Variants in GLIS3 observed in about 807,000 individuals in gnomAD.
GLIS3 encodes the protein zinc finger protein GLIS3.
In GLIS3, 53 loss-of-function variants were observed where a neutral mutation model predicts 78.6. That is an observed-to-expected ratio of 0.67 (90% CI 0.54 to 0.85). GLIS3 has a LOEUF of 0.85. GLIS3 is among the 40% of genes least tolerant of loss of function. The pLI is 0.00. For synonymous variants in GLIS3, 684 were observed against 509.9 expected (o/e 1.34, Z -4.60); for missense variants, 1,703 against 1,231.1 (o/e 1.38, Z -5.74).
intron 4 of GLIS3, among the ~76,000 whole-genome samples, chr9:4,010,883 G>C (rs1477364923): frequency 6.6e-6 from 1 of 152,172 alleles, no homozygotes; most frequent in African/African-American, 2.4e-5. Context: ...CTACCGTTAG[G>C]AAAATGTTCC....
the GLIS3 span, among the ~76,000 whole-genome samples, chr9:4,401,062 C>T: frequency 2.8e-4 from 42 of 152,200 alleles, no homozygotes; most frequent in African/African-American, 9.6e-4. Context: ...TTGTCTTGCA[C>T]CTTAGGCACC....
At chr9:4,023,207 T>C (rs1050408557) in intron 4 of GLIS3, among the ~76,000 whole-genome samples, 2 of 152,214 alleles carry the variant, frequency 1.3e-5, no homozygotes, top group African/African-American at 4.8e-5. Flanking sequence ...GTGCTACACA[T>C]GGTTTGAGCT....
intron 2 of GLIS3, among the ~76,000 whole-genome samples, chr9:4,145,648 A>T (rs10116426): frequency 6.6e-6 from 1 of 151,838 alleles, no homozygotes; most frequent in Non-Finnish European, 1.5e-5. Flanking sequence ...AAGTCACATC[A>T]GTGCCCTCTG....
At chr9:3,991,753 G>A (rs576023484) in intron 4 of GLIS3, among the ~76,000 whole-genome samples, 2 of 142,810 alleles carry the variant, frequency 1.4e-5, no homozygotes, top group African/African-American at 2.7e-5. Flanking sequence ...TGCAGTGGTG[G>A]GATCTCGGCT....
intron 4 of GLIS3, among the ~76,000 whole-genome samples, chr9:3,947,437 T>C (rs1260037380): frequency 6.6e-6 from 1 of 152,264 alleles, no homozygotes; most frequent in Admixed American, 6.5e-5. Context: ...TCAATTTGCT[T>C]ATCATATAGG....
intron 2 of GLIS3, among the ~76,000 whole-genome samples, chr9:4,230,377 C>A (rs1421534331): frequency 6.6e-6 from 1 of 152,132 alleles, no homozygotes; most frequent in East Asian, 1.9e-4. Context: ...CTACCATGTG[C>A]TAGATGGGAA....
At chr9:4,298,033 G>A (rs910337361) in intron 1 of GLIS3, among the ~76,000 whole-genome samples, 1 of 152,144 alleles carries the variant, frequency 6.6e-6, no homozygotes, top group African/African-American at 2.4e-5. Context: ...CTAACCCTCG[G>A]CCCCGTGCGC....
intron 7 of GLIS3, among the ~76,000 whole-genome samples, chr9:3,883,829 T>A (rs899397335): frequency 6.6e-6 from 1 of 152,220 alleles, no homozygotes; most frequent in Admixed American, 6.5e-5. Context: ...GAAATTCTTA[T>A]TGCTTTTGTG....
At chr9:3,940,287 G>A (rs942128423) in intron 4 of GLIS3, among the ~76,000 whole-genome samples, 10 of 151,796 alleles carry the variant, frequency 6.6e-5, no homozygotes, top group African/African-American at 1.5e-4. Context: ...TTTTTTTCAC[G>A]TTTTCCAATT....
At chr9:4,001,672 C>A (rs1459399141) in intron 4 of GLIS3, among the ~76,000 whole-genome samples, 2 of 152,186 alleles carry the variant, frequency 1.3e-5, no homozygotes, top group East Asian at 3.8e-4. Flanking sequence ...TAGCTTCAGG[C>A]ATCTAAGTAA....
chr9:4,133,172 T>C (rs1381095118), intron 2 of GLIS3, among the ~76,000 whole-genome samples: 1 of 152,236 alleles, frequency 6.6e-6, no homozygotes, highest in Admixed American at 6.5e-5. Flanking sequence ...ACAGTATTAA[T>C]TTTTGAACCA....
chr9:4,037,566 A>G (rs1030342918), intron 4 of GLIS3, among the ~76,000 whole-genome samples: 2 of 152,022 alleles, frequency 1.3e-5, no homozygotes, highest in Non-Finnish European at 2.9e-5. Context: ...ACACACACAC[A>G]CACACACACA....
At chr9:4,244,344 A>G (rs1823598563) in intron 2 of GLIS3, among the ~76,000 whole-genome samples, 1 of 152,260 alleles carries the variant, frequency 6.6e-6, no homozygotes, top group Admixed American at 6.5e-5. Context: ...ATACTTACCA[A>G]GAGTCATTGT....
At chr9:4,177,223 T>C (rs1374013768) in intron 2 of GLIS3, among the ~76,000 whole-genome samples, 1 of 152,208 alleles carries the variant, frequency 6.6e-6, no homozygotes, top group African/African-American at 2.4e-5. Flanking sequence ...CTCCAAAGGA[T>C]TATTTCCCCT....
At chr9:4,490,128 G>A in the GLIS3 span, among the ~76,000 whole-genome samples, 3 of 152,204 alleles carry the variant, frequency 2.0e-5, no homozygotes, top group Admixed American at 6.5e-5. Context: ...AGGGAGACGT[G>A]CAGGATGAAG....
chr9:4,063,738 T>C (rs954074152), intron 4 of GLIS3, among the ~76,000 whole-genome samples: 3 of 152,016 alleles, frequency 2.0e-5, no homozygotes, highest in African/African-American at 4.8e-5. Context: ...AGAAAATAAA[T>C]TGAGAAAAAT....
At chr9:4,034,484 C>G (rs866872704) in intron 4 of GLIS3, 1 of 152,116 alleles carries the variant, frequency 6.6e-6, no homozygotes, top group African/African-American at 2.4e-5. Context: ...GAAGCTCAGC[C>G]CACAACACCT....
chr9:4,363,017 T>A, the GLIS3 span, among the ~76,000 whole-genome samples: 1 of 151,916 alleles, frequency 6.6e-6, no homozygotes, highest in East Asian at 1.9e-4. Context: ...AGGAGAGAAG[T>A]GAACACTGGT....
In GLIS3 at chr9:3,826,482, A is replaced by G. The variant is rs1485135749; in HGVS notation, c.*1790T>C. On this transcript the variant is annotated 3_prime_UTR_variant, in exon 11 of 11. Coordinates refer to ENST00000381971, the MANE Select transcript of GLIS3 (RefSeq NM_001042413.2). ...GCAGAGCAGGTTTTTTAAAGTGGCTAACTCATCTCTTTTGCAGACTTTGAC... is the reference window on the plus strand; with the variant it reads ...GCAGAGCAGGTTTTTTAAAGTGGCTGACTCATCTCTTTTGCAGACTTTGAC... 1 of 152,108 alleles carries G rather than the reference A, an allele frequency of 6.6e-6. No individual in the cohort carries two copies. Among genetic ancestry groups the G allele is most frequent in the Non-Finnish European group, 1.5e-5 (1 of 68,026 alleles). The allele number at this position is 152,108 out of a possible 1,614,324, so 9.4% of individuals were successfully genotyped here.
Sources: gnomAD v4.1 joint callset for allele counts (sites outside exome capture counted in the v4.1 genomes callset) on GRCh38, gnomAD v4.1.1 for gene constraint, MANE v1.5 for transcripts, NCBI Gene and HGNC (gene_info 2026-07-23, HGNC 2026-07-21) for gene names.